Variants in CAPN7 observed in about 807,000 individuals in gnomAD.
CAPN7 encodes calpain-7.
Under a neutral mutation model 115.2 loss-of-function variants are expected in CAPN7, and 72 were observed. The ratio of observed to expected loss-of-function variants is 0.63; its 90% CI spans 0.52 to 0.76. CAPN7 has a LOEUF of 0.76. CAPN7 is among the 30% of genes least tolerant of loss of function. The probability of loss-of-function intolerance (pLI) is 0.00; values close to 1 mark genes in which losing one functional copy is unlikely to be tolerated. For missense variants in CAPN7, 905 were observed against 971.5 expected (o/e 0.93, Z 0.91); for synonymous variants, 344 against 322.3 (o/e 1.07, Z -0.72).
intron 17 of CAPN7, 186 bp downstream of exon 17, chr3:15,245,857 G>C: frequency 2.0e-6 from 1 of 501,540 alleles, no homozygotes; most frequent in Non-Finnish European, 3.4e-6. Flanking sequence ...GAAAAGAAAT[G>C]TCTTTATTTT....
At chr3:15,218,733 C>G (rs1001832004) in intron 4 of CAPN7, among the ~76,000 whole-genome samples, 193 bp downstream of exon 4, 1 of 152,178 alleles carries the variant, frequency 6.6e-6, no homozygotes, top group Non-Finnish European at 1.5e-5. Flanking sequence ...CAAGAAATAG[C>G]AAATCAATAA....
At chr3:15,214,587 T>C (rs2045137463) in intron 2 of CAPN7, among the ~76,000 whole-genome samples, 1 of 152,098 alleles carries the variant, frequency 6.6e-6, no homozygotes, top group African/African-American at 2.4e-5. Context: ...GGCATGGTGG[T>C]GTGTGCCTGT....
chr3:15,206,662 G>T, intron 1 of CAPN7, 65 bp downstream of exon 1: 2 of 1,205,436 alleles, frequency 1.7e-6, no homozygotes, highest in South Asian at 2.8e-5. Context: ...GCCTGCGGCC[G>T]AGGGGCGGGA....
Position 15,206,607 on chromosome 3 carries a change from G to A in CAPN7, c.102+10G>A. On this transcript the variant is annotated intron_variant, in intron 1 of 20. Transcript: ENST00000253693. The stretch of plus-strand genomic sequence containing the variant: ...GGTGTTTTATTACAAGGTAGGGCCG[G>A]GCCCGGCGCTTCGGTCGGAGTTGCT... The A allele has an allele frequency of 6.5e-7, 1 of 1,539,232 alleles. No individual in the cohort carries two copies. The highest frequency in any genetic ancestry group is 8.8e-7 in the Non-Finnish European group (1 of 1,140,828).
intron 12 of CAPN7, among the ~76,000 whole-genome samples, chr3:15,237,652 T>TA (rs994363785): frequency 8.5e-5 from 13 of 152,236 alleles, no homozygotes; most frequent in African/African-American, 3.1e-4. Flanking sequence ...TTTAAAATTA[T>TA]AATTTGCCAC....
Position 15,211,985 on chromosome 3 carries a change from A to G in CAPN7, c.103-119A>G, listed in dbSNP as rs934864658. 3.2e-5 allele frequency: 16 copies of G among 492,888 alleles called. No individual in the cohort carries two copies. In the South Asian group the frequency reaches 6.1e-4, roughly 19 times the overall value. 30.5% of individuals were successfully genotyped at this position (492,888 alleles called of 1,614,324 possible). ...TTTATGAAAAAAATTACTATTAATA[A>G]TAATTTAAAGACATTCTTGTTTTGT... On this transcript the variant is annotated intron_variant, in intron 1 of 20. Coordinates refer to ENST00000253693, the MANE Select transcript of CAPN7 (RefSeq NM_014296.3).
At chr3:15,231,551 A>G (rs1189419225) in intron 9 of CAPN7, among the ~76,000 whole-genome samples, 2 of 149,678 alleles carry the variant, frequency 1.3e-5, no homozygotes, top group Admixed American at 1.3e-4. Context: ...TTTTTTTGAG[A>G]TGGAGTCTCA....
At chr3:15,232,142 A>G in intron 9 of CAPN7, 3 of 406,884 alleles carry the variant, frequency 7.4e-6, no homozygotes, top group South Asian at 1.9e-5. Flanking sequence ...TCTAATCTGA[A>G]AATCCAAAAC....
intron 2 of CAPN7, 135 bp from the exon 3 acceptor site, chr3:15,217,289 AT>A (rs34313459): frequency 5.4e-6 from 4 of 739,114 alleles, no homozygotes; most frequent in Non-Finnish European, 7.9e-6. Flanking sequence ...TTTTTTAAGG[AT>A]TTTTTTAACC....
In CAPN7 at chr3:15,212,151, A is replaced by G; in HGVS notation, c.150A>G (p.Leu50=). The change falls in exon 2 of 21, where the codon CTA becomes CTG. Residue 50 remains leucine (L), a synonymous_variant. Coordinates refer to ENST00000253693, the MANE Select transcript of CAPN7 (RefSeq NM_014296.3). ...ATGCTGAGATGGCAGGATCAAGCCT[A>G]GAAAATATTCAAGAAAAAATAACTG... ...LIYAEMAGSS[L]ENIQEKITEY... The G allele has an allele frequency of 1.2e-6, 2 of 1,611,832 alleles. No homozygotes were observed. Among genetic ancestry groups the G allele is most frequent in the Non-Finnish European group, 1.7e-6 (2 of 1,178,718 alleles).
chr3:15,233,870 A>G lies in CAPN7; in HGVS notation c.1183A>G (p.Ile395Val). 1.3e-6 allele frequency: 2 copies of G among 1,571,016 alleles called. No individual in the cohort carries two copies. The highest frequency in any genetic ancestry group is 1.7e-5 in the Admixed American group (1 of 59,344). ...GYDFPGSNSN[I>V]DLHALTGWIP... ...CTGAAATGTGTTTCTGTTGCAGAAT[A>G]TTGATCTTCATGCACTGACTGGCTG... The change falls in exon 11 of 21, where the codon ATT becomes GTT. Residue 395 changes from isoleucine (I) to valine (V), a missense_variant. Ile to Val is a conservative substitution (Grantham distance 29, BLOSUM62 3). Coordinates refer to ENST00000253693, the MANE Select transcript of CAPN7 (RefSeq NM_014296.3).
chr3:15,206,738 G>C, intron 1 of CAPN7, 141 bp downstream of exon 1: 1 of 644,982 alleles, frequency 1.6e-6, no homozygotes, highest in Non-Finnish European at 2.6e-6. Context: ...CCCTCCTCTT[G>C]TTGGGAGCGG....
At chr3:15,223,933 C>G (rs960514567) in intron 6 of CAPN7, among the ~76,000 whole-genome samples, 2 of 152,166 alleles carry the variant, frequency 1.3e-5, no homozygotes, top group Non-Finnish European at 2.9e-5. Context: ...AAGACCAATT[C>G]AAGCAAGGAC....
intron 6 of CAPN7, among the ~76,000 whole-genome samples, chr3:15,223,983 A>G (rs1044450697): frequency 1.3e-5 from 2 of 152,238 alleles, no homozygotes; most frequent in African/African-American, 4.8e-5. Flanking sequence ...TTCCAGGACA[A>G]TGGCAGCTTA....
At chr3:15,243,412 G>T (rs1045515313) in intron 16 of CAPN7, among the ~76,000 whole-genome samples, 2 of 152,140 alleles carry the variant, frequency 1.3e-5, no homozygotes, top group African/African-American at 4.8e-5. Flanking sequence ...TCTGGGGTAA[G>T]GGTAGAGATA....
chr3:15,228,489 A>T (rs559290126), intron 7 of CAPN7, among the ~76,000 whole-genome samples: 5 of 152,350 alleles, frequency 3.3e-5, no homozygotes, highest in Non-Finnish European at 7.3e-5. Flanking sequence ...GACAGATTGG[A>T]TGAAGAAAAT....
intron 6 of CAPN7, among the ~76,000 whole-genome samples, chr3:15,225,970 C>A (rs189760232): frequency 1.3e-5 from 2 of 152,172 alleles, no homozygotes; most frequent in African/African-American, 4.8e-5. Flanking sequence ...ATTTATCTTT[C>A]GCTAGAGAGA....
At position 15,241,624 on chromosome 3, in the gene CAPN7, A is replaced by AT. The variant is rs770364055; in HGVS notation, c.1788+43dup. 1.4e-5 allele frequency: 22 copies of AT among 1,586,946 alleles called. No homozygotes were observed. In the African/African-American group the frequency reaches 2.2e-4, roughly 16 times the overall value. ...CCTTCTAATGATATCCCATACAGAAATTTTTTTAATATAGTTAGAACATTG... is the reference window on the plus strand; with the variant it reads ...CCTTCTAATGATATCCCATACAGAAATTTTTTTTAATATAGTTAGAACATTG... On this transcript the variant is annotated intron_variant, in intron 15 of 20. Coordinates refer to ENST00000253693, the MANE Select transcript of CAPN7 (RefSeq NM_014296.3).
chr3:15,240,920 T>C (rs973129139), intron 14 of CAPN7, 67 bp downstream of exon 14: 1 of 1,032,214 alleles, frequency 9.7e-7, no homozygotes, highest in Non-Finnish European at 1.5e-6. Flanking sequence ...AAAAACATAA[T>C]GGTGCCAGGC....
Sources: allele counts gnomAD v4.1 joint callset (sites outside exome capture counted in the v4.1 genomes callset), GRCh38; gene constraint gnomAD v4.1.1; transcripts MANE v1.5; gene names NCBI Gene and HGNC (gene_info 2026-07-23, HGNC 2026-07-21).